The following TMEM163 variants were observed in gnomAD, a reference collection of about 807,000 sequenced individuals.
TMEM163 encodes the protein transmembrane protein 163.
A neutral mutation model predicts 29.3 loss-of-function variants in TMEM163; 17 were observed. The ratio of observed to expected loss-of-function variants is 0.58; its 90% CI spans 0.40 to 0.87. The LOEUF (loss-of-function observed/expected upper bound fraction) is 0.87. Ranked by LOEUF, TMEM163 falls within the 40% of genes least tolerant of loss-of-function variation. TMEM163 has a pLI of 0.00. For synonymous variants in TMEM163, 157 were observed against 160.6 expected (o/e 0.98, Z 0.17); for missense variants, 303 against 381.5 (o/e 0.79, Z 1.71).
chr2:134,700,941 A>AATACATAAATACATAAATACATAAATAC (rs1553495681), intron 2 of TMEM163, among the ~76,000 whole-genome samples: 41 of 146,410 alleles, frequency 2.8e-4, no homozygotes, highest in African/African-American at 1.0e-3. Flanking sequence ...TAAATAAATA[A>AATACATAAATACATAAATACATAAATAC]ATAAATAAAG....
intron 6 of TMEM163, among the ~76,000 whole-genome samples, chr2:134,465,199 A>AAAAAAAAAC (rs1686640847): frequency 8.7e-6 from 1 of 114,612 alleles, no homozygotes; most frequent in African/African-American, 4.3e-5. Context: ...TAAAAAAAAA[A>AAAAAAAAAC]AAAACAAAAA....
At chr2:134,553,395 C>T (rs2106508504) in intron 2 of TMEM163, among the ~76,000 whole-genome samples, 1 of 152,304 alleles carries the variant, frequency 6.6e-6, no homozygotes, top group South Asian at 2.1e-4. Context: ...GTGAACCAAA[C>T]AGAGTTCATT....
chr2:134,589,173 C>A (rs1224964081), intron 2 of TMEM163, among the ~76,000 whole-genome samples: 1 of 151,942 alleles, frequency 6.6e-6, no homozygotes, highest in African/African-American at 2.4e-5. Context: ...TACACAGGAC[C>A]CAGGCACTGA....
chr2:134,592,810 GACTATCTCTCCCTGTATGC>G (rs1160825068), intron 2 of TMEM163, among the ~76,000 whole-genome samples: 1 of 150,534 alleles, frequency 6.6e-6, no homozygotes, highest in South Asian at 2.1e-4. Flanking sequence ...TAGATAGATA[GACTATCTCTCCCTGTATGC>G]ATATATACAC....
intron 2 of TMEM163, among the ~76,000 whole-genome samples, chr2:134,644,894 T>C (rs1683300656): frequency 6.6e-6 from 1 of 152,176 alleles, no homozygotes; most frequent in South Asian, 2.1e-4. Flanking sequence ...ATTCAGACTA[T>C]ATTAAAAACT....
chr2:134,566,213 A>G (rs1389629812), intron 2 of TMEM163, among the ~76,000 whole-genome samples: 1 of 152,222 alleles, frequency 6.6e-6, no homozygotes, highest in Non-Finnish European at 1.5e-5. Flanking sequence ...ACTGATAAAC[A>G]TAAGGTAGCA....
intron 4 of TMEM163, among the ~76,000 whole-genome samples, chr2:134,542,189 A>C (rs1246352799): frequency 1.3e-5 from 2 of 152,252 alleles, no homozygotes; most frequent in Non-Finnish European, 2.9e-5. Context: ...CAGGATGACA[A>C]ATAAAACAAT....
In TMEM163 at chr2:134,598,847, G is replaced by A. The variant is rs372784376; in HGVS notation, c.323-46756C>T. 4.0e-5 allele frequency among the ~76,000 whole-genome samples: 6 copies of A among 151,730 alleles called. No homozygotes were observed. The South Asian group carries it at 1.3e-3, about 32-fold the overall frequency. ...AGGCAGCATAATTGCTTGAACCTGG[G>A]AGGTGGGGGGTTGCAGTGAGCCTAG... On this transcript the variant is annotated intron_variant, in intron 2 of 7. Transcript: ENST00000281924.
chr2:134,472,686 T>A (rs748310445), intron 5 of TMEM163, among the ~76,000 whole-genome samples: 1 of 152,218 alleles, frequency 6.6e-6, no homozygotes. Flanking sequence ...ACATAACTGA[T>A]AGAACAAACT....
intron 2 of TMEM163, among the ~76,000 whole-genome samples, chr2:134,646,765 A>T (rs1683346252): frequency 6.6e-6 from 1 of 152,206 alleles, no homozygotes; most frequent in Admixed American, 6.5e-5. Flanking sequence ...TTTTAAACTA[A>T]ATACAAATCC....
chr2:134,590,827 TAGG>T (rs1337449324), intron 2 of TMEM163, among the ~76,000 whole-genome samples: 2 of 152,144 alleles, frequency 1.3e-5, no homozygotes, highest in Non-Finnish European at 2.9e-5. Context: ...GGCAGGCAGT[TAGG>T]ATAGGTCCTC....
At chr2:134,590,796 G>A (rs1214855075) in intron 2 of TMEM163, among the ~76,000 whole-genome samples, 3 of 152,108 alleles carry the variant, frequency 2.0e-5, no homozygotes, top group Admixed American at 6.5e-5. Context: ...GGTGAGAGAC[G>A]AGAAAGGAAG....
chr2:134,700,452 A>C (rs1403452544), intron 2 of TMEM163, among the ~76,000 whole-genome samples: 2 of 152,202 alleles, frequency 1.3e-5, no homozygotes, highest in African/African-American at 4.8e-5. Flanking sequence ...TCGATTCTCT[A>C]GTTATTCCTC....
intron 2 of TMEM163, among the ~76,000 whole-genome samples, chr2:134,583,737 C>T (rs1156331953): frequency 1.3e-5 from 2 of 152,166 alleles, no homozygotes; most frequent in Non-Finnish European, 2.9e-5. Context: ...CCCTCCCCTC[C>T]CCTACATCTG....
intron 4 of TMEM163, among the ~76,000 whole-genome samples, chr2:134,533,919 G>A (rs1680471668): frequency 6.6e-6 from 1 of 152,126 alleles, no homozygotes; most frequent in African/African-American, 2.4e-5. Flanking sequence ...CTTTGTTGAA[G>A]TTTCACCAAA....
chr2:134,634,795 T>C (rs1032402775), intron 2 of TMEM163, among the ~76,000 whole-genome samples: 1 of 152,266 alleles, frequency 6.6e-6, no homozygotes, highest in Admixed American at 6.5e-5. Flanking sequence ...AATAAAACTT[T>C]ATTTACAGAA....
intron 2 of TMEM163, among the ~76,000 whole-genome samples, chr2:134,612,124 T>A (rs1321717551): frequency 6.6e-6 from 1 of 152,146 alleles, no homozygotes; most frequent in African/African-American, 2.4e-5. Flanking sequence ...CCACAAAGTA[T>A]TGCCACTATT....
At chr2:134,678,451 G>T (rs1405655901) in intron 2 of TMEM163, among the ~76,000 whole-genome samples, 1 of 152,218 alleles carries the variant, frequency 6.6e-6, no homozygotes, top group Non-Finnish European at 1.5e-5. Context: ...AACAGGAAAA[G>T]GCTTTTGTCT....
intron 4 of TMEM163, among the ~76,000 whole-genome samples, chr2:134,521,801 T>C (rs1471426620): frequency 6.6e-6 from 1 of 152,190 alleles, no homozygotes; most frequent in Non-Finnish European, 1.5e-5. Flanking sequence ...ACATATCAGA[T>C]GCAGAGCTGC....
Sources: gnomAD v4.1 joint callset for allele counts (sites outside exome capture counted in the v4.1 genomes callset) on GRCh38, gnomAD v4.1.1 for gene constraint, MANE v1.5 for transcripts, NCBI Gene and HGNC (gene_info 2026-07-23, HGNC 2026-07-21) for gene names.